FAM117A: variants seen among roughly 807,000 people sequenced by gnomAD.
FAM117A encodes the protein family with sequence similarity 117 member A.
FAM117A carries 21 observed loss-of-function variants against 44.1 expected under a neutral mutation model. The observed-to-expected ratio is 0.48, with a 90% confidence interval of 0.34 to 0.69. The LOEUF is 0.69. Among genes scored for constraint, FAM117A ranks in the 30% least tolerant of loss-of-function variants. FAM117A has a pLI of 0.01. For missense variants in FAM117A, 498 were observed against 589.9 expected, an observed-to-expected ratio of 0.84 and a Z score of 1.61; for synonymous variants, 220 against 238.3, an observed-to-expected ratio of 0.92 and a Z score of 0.71.
chr17:49,729,133 T>G (rs1187933200), intron 2 of FAM117A, among the ~76,000 whole-genome samples: 18 of 152,228 alleles, frequency 1.2e-4, no homozygotes, highest in South Asian at 2.1e-4. Flanking sequence ...AGCCTCAAGA[T>G]AGCATGCCCG....
chr17:49,712,793 G>C (rs1320026150), intron 7 of FAM117A, among the ~76,000 whole-genome samples: 1 of 152,174 alleles, frequency 6.6e-6, no homozygotes, highest in East Asian at 1.9e-4. Context: ...TGTGAGAAAG[G>C]CAGCTAGACC....
In FAM117A at chr17:49,764,131, C is replaced by G. The variant is rs565416367; in HGVS notation, c.-44G>C. 1 of 1,044,464 alleles carries G rather than the reference C, an allele frequency of 9.6e-7. No homozygotes were observed. 64.7% of individuals were successfully genotyped at this position (1,044,464 alleles called of 1,614,324 possible). On this transcript the variant is annotated 5_prime_UTR_variant, in exon 1 of 8. Transcript: ENST00000240364. ...CCTCAGCCCCACTGCGAGACTCACA[C>G]AGCCCCCCAACCCCCGAGGCCGCTG...
chr17:49,717,048 G>A (rs537521873), intron 6 of FAM117A, among the ~76,000 whole-genome samples: 41 of 152,130 alleles, frequency 2.7e-4, no homozygotes, highest in African/African-American at 9.6e-4. Context: ...CTAGGGCATT[G>A]TAGAAAATAG....
chr17:49,758,726 C>T (rs1233634803), intron 1 of FAM117A, among the ~76,000 whole-genome samples: 1 of 151,796 alleles, frequency 6.6e-6, no homozygotes, highest in African/African-American at 2.4e-5. Context: ...TAAGCCCAGG[C>T]AGGTCTAGTC....
intron 1 of FAM117A, among the ~76,000 whole-genome samples, chr17:49,785,156 C>A (rs539754570): frequency 4.6e-5 from 7 of 152,304 alleles, no homozygotes; most frequent in African/African-American, 1.7e-4. Flanking sequence ...TTCCTTACAA[C>A]CTTGTGAGGT....
intron 1 of FAM117A, among the ~76,000 whole-genome samples, chr17:49,779,294 C>A (rs2073783062): frequency 1.3e-5 from 2 of 152,204 alleles, no homozygotes; most frequent in Admixed American, 1.3e-4. Flanking sequence ...TCCCAGATTA[C>A]TAATGCTACT....
chr17:49,752,988 G>A (rs1021534784), intron 1 of FAM117A, among the ~76,000 whole-genome samples: 2 of 151,610 alleles, frequency 1.3e-5, no homozygotes, highest in South Asian at 2.1e-4. Context: ...TTAGCCTTCC[G>A]AGTAGCTGGG....
At chr17:49,724,353 T>A (rs1289812074) in intron 2 of FAM117A, 4 of 456,080 alleles carry the variant, frequency 8.8e-6, no homozygotes, top group Non-Finnish European at 1.8e-5. Flanking sequence ...AAAGGGACCG[T>A]TCTGCCCATT....
intron 1 of FAM117A, among the ~76,000 whole-genome samples, chr17:49,741,578 T>C (rs1475610585): frequency 1.3e-5 from 2 of 152,164 alleles, no homozygotes; most frequent in Non-Finnish European, 2.9e-5. Flanking sequence ...GTCAGAGCAG[T>C]GTGGTTAGAC....
intron 1 of FAM117A, among the ~76,000 whole-genome samples, chr17:49,761,681 T>C (rs960896337): frequency 1.3e-5 from 2 of 152,210 alleles, no homozygotes; most frequent in African/African-American, 2.4e-5. Flanking sequence ...TATACTCTAC[T>C]GTCCTAGAAA....
chr17:49,730,271 G>T (rs919545945), intron 2 of FAM117A, among the ~76,000 whole-genome samples: 1 of 152,200 alleles, frequency 6.6e-6, no homozygotes, highest in African/African-American at 2.4e-5. Context: ...AAGCTGCATG[G>T]CTTGGCCTTG....
chr17:49,732,834 AC>A, intron 1 of FAM117A, 114 bp from the exon 2 acceptor site: 1 of 1,121,476 alleles, frequency 8.9e-7, no homozygotes, highest in Non-Finnish European at 1.3e-6. Flanking sequence ...ACTCATATCC[AC>A]CACTGTCCTA....
intron 2 of FAM117A, among the ~76,000 whole-genome samples, chr17:49,728,326 C>A (rs571290949): frequency 2.0e-5 from 3 of 151,990 alleles, no homozygotes; most frequent in Admixed American, 1.3e-4. Flanking sequence ...GGGAAAGACA[C>A]AGGAAGAGAA....
intron 1 of FAM117A, among the ~76,000 whole-genome samples, chr17:49,740,510 A>G (rs1456436650): frequency 6.6e-6 from 1 of 152,136 alleles, no homozygotes; most frequent in Non-Finnish European, 1.5e-5. Context: ...TGTCCTCCCA[A>G]AGTGCTGGGA....
chr17:49,715,191 T>C (rs954985929), intron 7 of FAM117A, among the ~76,000 whole-genome samples: 5 of 152,186 alleles, frequency 3.3e-5, no homozygotes, highest in African/African-American at 1.2e-4. Context: ...CCTAGGAGTC[T>C]TGAAGGGATC....
chr17:49,771,731 C>A (rs2073761502), intron 1 of FAM117A, among the ~76,000 whole-genome samples: 1 of 152,188 alleles, frequency 6.6e-6, no homozygotes, highest in Non-Finnish European at 1.5e-5. Flanking sequence ...TTCCTAGGCA[C>A]CCCCTCCCAG....
rs1235405549 is a variant in FAM117A, at chr17:49,758,633, A to T, written c.196+5259T>A. Reference sequence around the variant, plus strand: ...AGCGAGACTGTCTCAAAAAAAAAAAAAAATAAAATAAATAAATAAATAAAT... The same window carrying T: ...AGCGAGACTGTCTCAAAAAAAAAAATAAATAAAATAAATAAATAAATAAAT... On this transcript the variant is annotated intron_variant, in intron 1 of 7. Transcript: ENST00000240364. Among the ~76,000 whole-genome samples the T allele has an allele frequency of 6.1e-3, 754 of 123,230 alleles. 17 individuals are homozygous for T. Among genetic ancestry groups the T allele is most frequent in the African/African-American group, 0.02 (592 of 30,122 alleles). 80.8% of individuals were successfully genotyped at this position (123,230 alleles called of 152,430 possible).
At chr17:49,768,164 A>C (rs541425816), upstream of FAM117A, among the ~76,000 whole-genome samples, 1 of 152,152 alleles carries the variant, frequency 6.6e-6, no homozygotes, top group Non-Finnish European at 1.5e-5. Context: ...CAAGGGTCTA[A>C]GAGATTACCA....
At chr17:49,730,196 G>A (rs768140443) in intron 2 of FAM117A, among the ~76,000 whole-genome samples, 8 of 152,292 alleles carry the variant, frequency 5.3e-5, no homozygotes, top group South Asian at 2.1e-4. Context: ...TCCTGACTGC[G>A]GCCACAATAT....
Sources: allele counts gnomAD v4.1 joint callset (sites outside exome capture counted in the v4.1 genomes callset), GRCh38; gene constraint gnomAD v4.1.1; transcripts MANE v1.5; gene names NCBI Gene and HGNC (gene_info 2026-07-23, HGNC 2026-07-21).